Variants in SLC24A3 observed in about 807,000 individuals in gnomAD.
SLC24A3 encodes the protein solute carrier family 24 member 3.
Under a neutral mutation model 75.8 loss-of-function variants are expected in SLC24A3, and 28 were observed. The observed-to-expected ratio is 0.37, with a 90% CI of 0.27 to 0.51. The LOEUF is 0.51. SLC24A3 is among the 20% of genes least tolerant of loss of function. The pLI is 0.94. For synonymous variants in SLC24A3, 372 were observed against 334.1 expected (o/e 1.11, Z -1.24); for missense variants, 663 against 847.8 (o/e 0.78, Z 2.71).
intron 15 of SLC24A3, among the ~76,000 whole-genome samples, chr20:19,711,217 GCA>G (rs1568707610): frequency 1.4e-5 from 2 of 141,778 alleles, no homozygotes; most frequent in South Asian, 2.3e-4. Context: ...GCAGGCAAAC[GCA>G]CACACACATG....
At chr20:19,607,463 G>A (rs1031605571) in intron 6 of SLC24A3, among the ~76,000 whole-genome samples, 1 of 152,026 alleles carries the variant, frequency 6.6e-6, no homozygotes, top group Non-Finnish European at 1.5e-5. Context: ...TTTCCAGCCC[G>A]GGCCTTCTGA....
At chr20:19,366,625 C>T (rs141474355) in intron 2 of SLC24A3, among the ~76,000 whole-genome samples, 70 of 152,250 alleles carry the variant, frequency 4.6e-4, no homozygotes, top group African/African-American at 1.5e-3. Context: ...ATGCATCTCC[C>T]TTCATGGGAC....
At chr20:19,458,175 C>T (rs560589470) in intron 2 of SLC24A3, among the ~76,000 whole-genome samples, 2 of 152,150 alleles carry the variant, frequency 1.3e-5, no homozygotes, top group South Asian at 2.1e-4. Context: ...CAAGCTCCCC[C>T]CTCACATGCA....
chr20:19,263,303 G>A (rs922314394), intron 1 of SLC24A3, among the ~76,000 whole-genome samples: 1 of 152,136 alleles, frequency 6.6e-6, no homozygotes, highest in South Asian at 2.1e-4. Flanking sequence ...AAACTGTGAA[G>A]AATGAGACAG....
At chr20:19,714,272 G>T (rs1384167904) in intron 15 of SLC24A3, among the ~76,000 whole-genome samples, 1 of 152,028 alleles carries the variant, frequency 6.6e-6, no homozygotes, top group African/African-American at 2.4e-5. Context: ...AGGCATAGTG[G>T]TGTGTGCCTA....
chr20:19,280,856 G>C (rs1983639516), intron 1 of SLC24A3, 103 bp from the exon 2 acceptor site: 16 of 1,482,330 alleles, frequency 1.1e-5, no homozygotes, highest in South Asian at 1.3e-5. Context: ...GGTGCAGGCG[G>C]GGCTGAACAA....
chr20:19,247,335 CCA>C (rs1386073800), intron 1 of SLC24A3, among the ~76,000 whole-genome samples: 2 of 151,936 alleles, frequency 1.3e-5, no homozygotes, highest in Non-Finnish European at 2.9e-5. Context: ...ACTTGTAACC[CCA>C]GTTACTTTGC....
At chr20:19,545,475 G>A (rs1164048821) in intron 3 of SLC24A3, among the ~76,000 whole-genome samples, 4 of 151,920 alleles carry the variant, frequency 2.6e-5, no homozygotes, top group African/African-American at 4.8e-5. Context: ...GCTTTTTTTC[G>A]GACTCTTGCT....
intron 7 of SLC24A3, among the ~76,000 whole-genome samples, chr20:19,655,101 G>T (rs1159383756): frequency 6.6e-6 from 1 of 152,070 alleles, no homozygotes; most frequent in African/African-American, 2.4e-5. Flanking sequence ...TGAATTTCAG[G>T]TTACCACAAT....
chr20:19,301,638 C>G (rs1984199443), intron 2 of SLC24A3, among the ~76,000 whole-genome samples: 1 of 152,178 alleles, frequency 6.6e-6, no homozygotes, highest in Non-Finnish European at 1.5e-5. Flanking sequence ...AGTCGTATTT[C>G]TTTTCCTCAT....
intron 2 of SLC24A3, among the ~76,000 whole-genome samples, chr20:19,387,700 GTCT>G (rs1460548216): frequency 6.6e-6 from 1 of 152,092 alleles, no homozygotes; most frequent in Non-Finnish European, 1.5e-5. Flanking sequence ...TATGATTTCA[GTCT>G]TCTTGAATTT....
chr20:19,693,051 G>A (rs1012374903), intron 12 of SLC24A3, among the ~76,000 whole-genome samples: 2 of 152,008 alleles, frequency 1.3e-5, no homozygotes, highest in South Asian at 2.1e-4. Context: ...TGGGCAGTGG[G>A]TAATTTTTTT....
chr20:19,686,549 G>A (rs762564379), intron 12 of SLC24A3, among the ~76,000 whole-genome samples: 55 of 152,176 alleles, frequency 3.6e-4, no homozygotes, highest in Non-Finnish European at 6.2e-4. Context: ...CAACCTCTTC[G>A]GGATGTTTGA....
At chr20:19,669,220 G>A (rs1248393442) in intron 8 of SLC24A3, among the ~76,000 whole-genome samples, 13 of 152,178 alleles carry the variant, frequency 8.5e-5, no homozygotes, top group Admixed American at 8.5e-4. Context: ...AGGAAGCATC[G>A]GCAGGTCATG....
chr20:19,313,581 G>A (rs1984513011), intron 2 of SLC24A3, among the ~76,000 whole-genome samples: 2 of 152,188 alleles, frequency 1.3e-5, no homozygotes, highest in Non-Finnish European at 2.9e-5. Context: ...TCAGCTCTGA[G>A]GTCTGAACTT....
intron 16 of SLC24A3, among the ~76,000 whole-genome samples, chr20:19,719,907 C>T (rs1376261735): frequency 3.3e-5 from 5 of 152,070 alleles, no homozygotes; most frequent in Admixed American, 2.0e-4. Flanking sequence ...GAGAAGGAAA[C>T]GGGCAAAGTG....
At chr20:19,314,018 C>A (rs1340225744) in intron 2 of SLC24A3, among the ~76,000 whole-genome samples, 1 of 152,172 alleles carries the variant, frequency 6.6e-6, no homozygotes, top group Non-Finnish European at 1.5e-5. Context: ...ATGCTGTAAG[C>A]ATCCCCTGAT....
chr20:19,687,486 AT>A (rs2032691166), intron 12 of SLC24A3, among the ~76,000 whole-genome samples: 1 of 152,196 alleles, frequency 6.6e-6, no homozygotes, highest in South Asian at 2.1e-4. Context: ...TGTGTCTAGA[AT>A]TCCACTTACT....
chr20:19,613,985 C>A (rs1018114312), intron 6 of SLC24A3, among the ~76,000 whole-genome samples: 2 of 152,200 alleles, frequency 1.3e-5, no homozygotes. Context: ...TGTTGACATC[C>A]TTTTAAATCT....
Sources: allele counts gnomAD v4.1 joint callset (sites outside exome capture counted in the v4.1 genomes callset), GRCh38; gene constraint gnomAD v4.1.1; transcripts MANE v1.5; gene names NCBI Gene and HGNC (gene_info 2026-07-23, HGNC 2026-07-21).